Variants in CEP290 observed in about 807,000 individuals in gnomAD.
CEP290 encodes centrosomal protein of 290 kDa.
A neutral mutation model predicts 344.9 loss-of-function variants in CEP290; 317 were observed. The ratio of observed to expected loss-of-function variants is 0.92; its 90% CI spans 0.84 to 1.01. The LOEUF (loss-of-function observed/expected upper bound fraction) is 1.01. Ranked by LOEUF, CEP290 falls within the 50% of genes least tolerant of loss-of-function variation. CEP290 has a pLI of 0.00. For synonymous variants in CEP290, 932 were observed against 895.8 expected, an observed-to-expected ratio of 1.04 and a Z score of -0.72; for missense variants, 2,754 against 2,761.4, an observed-to-expected ratio of 1.00 and a Z score of 0.06.
intron 43 of CEP290, among the ~76,000 whole-genome samples, chr12:88,069,636 T>C (rs184734198): frequency 6.6e-6 from 1 of 152,304 alleles, no homozygotes; most frequent in Non-Finnish European, 1.5e-5. Context: ...TAAGAAATGG[T>C]AACTTAGAAG....
Position 88,081,000 on chromosome 12 carries a change from T to A in CEP290, c.5013-605A>T, listed in dbSNP as rs191802666. Among the ~76,000 whole-genome samples the A allele has an allele frequency of 2.5e-3, 381 of 152,358 alleles. 2 individuals are homozygous for A. Among genetic ancestry groups the A allele is most frequent in the African/African-American group, 8.3e-3 (345 of 41,586 alleles). On this transcript the variant is annotated intron_variant, in intron 37 of 53. Transcript: ENST00000552810. ...ACAGAGAATGAACAAAAAGGCATTT[T>A]AAATATTATGGCTCTTGTAAAATGT...
intron 13 of CEP290, among the ~76,000 whole-genome samples, chr12:88,121,987 T>C (rs2039432491): frequency 1.3e-5 from 2 of 152,194 alleles, no homozygotes; most frequent in African/African-American, 4.8e-5. Flanking sequence ...CAAAACATAA[T>C]ATTGCTATCA....
At chr12:88,137,774 T>C (rs948152038) in intron 5 of CEP290, among the ~76,000 whole-genome samples, 4 of 152,194 alleles carry the variant, frequency 2.6e-5, no homozygotes, top group Admixed American at 6.5e-5. Context: ...TCCAAATACA[T>C]GAGGGTCAGA....
At chr12:88,063,935 A>G in intron 45 of CEP290, 46 bp downstream of exon 45, 1 of 1,484,532 alleles carries the variant, frequency 6.7e-7, no homozygotes, top group Non-Finnish European at 9.1e-7. Context: ...CAACTAAGGA[A>G]GGAGTTTTAG....
intron 27 of CEP290, 50 bp downstream of exon 27, chr12:88,096,838 T>G: frequency 1.1e-6 from 1 of 896,354 alleles, no homozygotes; most frequent in Admixed American, 3.0e-5. Flanking sequence ...ATAAGAAATA[T>G]TCATTATTAG....
At chr12:88,140,737 A>G (rs1280006488) in intron 3 of CEP290, among the ~76,000 whole-genome samples, 2 of 152,202 alleles carry the variant, frequency 1.3e-5, no homozygotes, top group Non-Finnish European at 2.9e-5. Context: ...TTTTCAACAT[A>G]CTCATTCTAT....
At chr12:88,094,019 A>G in intron 27 of CEP290, 44 bp from the exon 28 acceptor site, 1 of 1,402,542 alleles carries the variant, frequency 7.1e-7, no homozygotes, top group Non-Finnish European at 9.7e-7. Context: ...TGTTTATATT[A>G]AAATTACCTC....
chr12:88,083,229 T>C lies in CEP290; in HGVS notation c.4814A>G (p.Asp1605Gly), dbSNP rs1434783811. 6.9e-7 allele frequency: 1 copy of C among 1,449,980 alleles called. No individual in the cohort carries two copies. Among genetic ancestry groups the C allele is most frequent in the Admixed American group, 3.1e-5 (1 of 32,036 alleles). The allele number at this position is 1,449,980 out of a possible 1,614,324, so 89.8% of individuals were successfully genotyped here. A position where few individuals can be genotyped will look rare whatever the true frequency, so the allele number is the denominator to read the frequency against. The stretch of plus-strand genomic sequence containing the variant: ...TGGAGTGGGAGACTGTTTCATTAAA[T>C]CCTATAAAATATGAATATATTAGCA... ...SLNKFKQTAWDLMKQSPTPVP... is the reference protein window; with the variant it reads ...SLNKFKQTAWGLMKQSPTPVP... Residue 1605 changes from aspartate (D) to glycine (G), a missense_variant and splice_region_variant, in exon 37 of 54, where the codon GAT becomes GGT. By Grantham distance (94) the Asp-to-Gly change is moderately conservative (BLOSUM62 -1). Coordinates refer to ENST00000552810, the MANE Select transcript of CEP290 (RefSeq NM_025114.4).
chr12:88,068,422 A>G, intron 44 of CEP290, 100 bp downstream of exon 44: 1 of 750,332 alleles, frequency 1.3e-6, no homozygotes. Context: ...ATTAATGAGA[A>G]AGATGTAATG....
At chr12:88,135,440 T>TCCCCCC (rs2040304201) in intron 6 of CEP290, among the ~76,000 whole-genome samples, 1 of 152,152 alleles carries the variant, frequency 6.6e-6, no homozygotes, top group Non-Finnish European at 1.5e-5. Context: ...CCTAAGCAAT[T>TCCCCCC]CTACCAGTGT....
At chr12:88,112,546 T>C (rs556291587) in intron 20 of CEP290, among the ~76,000 whole-genome samples, 12 of 152,218 alleles carry the variant, frequency 7.9e-5, no homozygotes, top group African/African-American at 2.9e-4. Context: ...CAGTGGCATA[T>C]CTAAGTATAT....
chr12:88,092,927 T>C (rs2037158071), intron 28 of CEP290, 95 bp from the exon 29 acceptor site: 3 of 1,151,492 alleles, frequency 2.6e-6, no homozygotes, highest in Non-Finnish European at 3.8e-6. Flanking sequence ...CCTCTTTACT[T>C]GGCCTTAGTT....
chr12:88,115,234 G>T, intron 18 of CEP290, 52 bp from the exon 19 acceptor site: 5 of 974,666 alleles, frequency 5.1e-6, no homozygotes, highest in Non-Finnish European at 7.6e-6. Flanking sequence ...AATATCACAA[G>T]TCTATAATTT....
At position 88,083,835 on chromosome 12, in the gene CEP290, T is replaced by G; in HGVS notation, c.4812+12A>C. 1 of 1,491,144 alleles carries G rather than the reference T, an allele frequency of 6.7e-7. No individual in the cohort carries two copies. Among genetic ancestry groups the G allele is most frequent in the Non-Finnish European group, 9.2e-7 (1 of 1,091,034 alleles). 92.4% of individuals were successfully genotyped at this position (1,491,144 alleles called of 1,614,324 possible). ...ATCAATAAAGAATGGAACAAAGTTCTTAGAATCTTACCCAAGCCGTTTGTT... is the reference window on the plus strand; with the variant it reads ...ATCAATAAAGAATGGAACAAAGTTCGTAGAATCTTACCCAAGCCGTTTGTT... On this transcript the variant is annotated intron_variant, in intron 36 of 53. Transcript: ENST00000552810.
rs2036965346 is a variant in CEP290, at chr12:88,090,718, C to A, written c.3573+10G>T. On this transcript the variant is annotated intron_variant, in intron 30 of 53. Transcript: ENST00000552810. ...TGGATTCTATGTAGAAGAGCCAATA[C>A]TGCACATACCTGATAGTCTAGCAGT... The A allele has an allele frequency of 6.8e-7, 1 of 1,480,544 alleles. No homozygotes were observed. The highest frequency in any genetic ancestry group is 1.2e-5 in the South Asian group (1 of 81,906). The allele number at this position is 1,480,544 out of a possible 1,614,324, so 91.7% of individuals were successfully genotyped here.
intron 18 of CEP290, among the ~76,000 whole-genome samples, chr12:88,116,746 G>A (rs375414671): frequency 1.3e-4 from 20 of 151,994 alleles, no homozygotes; most frequent in African/African-American, 4.1e-4. Flanking sequence ...AGGCCGAGGC[G>A]GGCGGATCAC....
chr12:88,064,435 C>G (rs566994272), intron 44 of CEP290, among the ~76,000 whole-genome samples: 1 of 152,060 alleles, frequency 6.6e-6, no homozygotes, highest in Non-Finnish European at 1.5e-5. Flanking sequence ...AAATAAAGCA[C>G]GATTGTTATC....
chr12:88,135,855 G>A (rs529320256), intron 6 of CEP290: 1 of 152,020 alleles, frequency 6.6e-6, no homozygotes, highest in East Asian at 1.9e-4. Context: ...CCACATGTAG[G>A]CACCAAATTT....
chr12:88,053,934 C>T lies in CEP290; in HGVS notation c.7035-188G>A, dbSNP rs188493433. Among the ~76,000 whole-genome samples, 74 of 152,232 alleles carry T rather than the reference C, an allele frequency of 4.9e-4. 1 individual carries two copies. The highest frequency in any genetic ancestry group is 1.5e-3 in the African/African-American group (64 of 41,550). ...AAAGCCTGGAATACAAAAGCCTTCA[C>T]GTTTTTCTTAATATCTGACCTGATG... On this transcript the variant is annotated intron_variant, in intron 51 of 53. Coordinates refer to ENST00000552810, the MANE Select transcript of CEP290 (RefSeq NM_025114.4).
Sources: allele counts gnomAD v4.1 joint callset (sites outside exome capture counted in the v4.1 genomes callset), GRCh38; gene constraint gnomAD v4.1.1; transcripts MANE v1.5; gene names NCBI Gene and HGNC (gene_info 2026-07-23, HGNC 2026-07-21).